LIMS1: variants seen among roughly 807,000 people sequenced by gnomAD.
LIMS1 encodes LIM zinc finger domain containing 1.
In LIMS1, 18 loss-of-function variants were observed where a neutral mutation model predicts 44.1. The ratio of observed to expected loss-of-function variants is 0.41; its 90% CI spans 0.28 to 0.61. The LOEUF is 0.61. Ranked by LOEUF, LIMS1 falls within the 20% of genes least tolerant of loss-of-function variation. The pLI, the probability that LIMS1 is intolerant of heterozygous loss-of-function variation, is 0.32. For missense variants in LIMS1, 201 were observed against 422.0 expected, an observed-to-expected ratio of 0.48 and a Z score of 4.59; for synonymous variants, 93 against 149.1, an observed-to-expected ratio of 0.62 and a Z score of 2.74.
intron 1 of LIMS1, among the ~76,000 whole-genome samples, chr2:108,614,917 C>T (rs1687849428): frequency 1.3e-5 from 2 of 152,088 alleles, no homozygotes; most frequent in South Asian, 4.2e-4. Context: ...GGAGAAGAAC[C>T]GTTTTTGTTC....
At chr2:108,544,049 C>G (rs1315578968) in intron 1 of LIMS1, among the ~76,000 whole-genome samples, 1 of 152,164 alleles carries the variant, frequency 6.6e-6, no homozygotes. Flanking sequence ...CTCCCTCTCT[C>G]TTTTCTCTCT....
chr2:108,654,993 G>A, intron 1 of LIMS1: 1 of 1,575,486 alleles, frequency 6.3e-7, no homozygotes, highest in South Asian at 1.2e-5. Flanking sequence ...TGGCTGGGAA[G>A]CAGGGAGGCC....
At chr2:108,547,126 G>A (rs1280311482) in intron 1 of LIMS1, among the ~76,000 whole-genome samples, 1 of 152,204 alleles carries the variant, frequency 6.6e-6, no homozygotes, top group East Asian at 1.9e-4. Flanking sequence ...GGTGCAGTTA[G>A]ACTTTGACTT....
At chr2:108,651,065 G>A (rs1406258959) in intron 1 of LIMS1, among the ~76,000 whole-genome samples, 1 of 151,956 alleles carries the variant, frequency 6.6e-6, no homozygotes, top group Non-Finnish European at 1.5e-5. Context: ...TGCCAAAATG[G>A]GCTGCTAAAG....
chr2:108,662,554 T>C (rs967524541), intron 2 of LIMS1: 1 of 1,235,044 alleles, frequency 8.1e-7, no homozygotes, highest in East Asian at 3.4e-5. Flanking sequence ...GCTAAATTGT[T>C]TATCATTAAA....
intron 1 of LIMS1, among the ~76,000 whole-genome samples, chr2:108,594,016 T>G (rs918300152): frequency 2.0e-5 from 3 of 152,172 alleles, no homozygotes. Flanking sequence ...AAAGCTCCCT[T>G]TAAATTCAGA....
chr2:108,561,621 A>AT (rs1283680472), intron 1 of LIMS1, among the ~76,000 whole-genome samples: 1 of 151,890 alleles, frequency 6.6e-6, no homozygotes, highest in Admixed American at 6.6e-5. Flanking sequence ...TGTTGGTGCC[A>AT]TTTTTCCAAC....
At chr2:108,676,445 A>G (rs565856455) in intron 6 of LIMS1, among the ~76,000 whole-genome samples, 161 bp from the exon 7 acceptor site, 48 of 152,376 alleles carry the variant, frequency 3.2e-4, no homozygotes, top group Middle Eastern at 3.4e-3. Context: ...CACCTGAATT[A>G]CAACTGCAGA....
intron 1 of LIMS1, among the ~76,000 whole-genome samples, chr2:108,652,411 AT>A (rs1333798963): frequency 1.3e-5 from 2 of 152,054 alleles, no homozygotes; most frequent in African/African-American, 4.8e-5. Flanking sequence ...ATCTCAGGGC[AT>A]TGTGCTGAAT....
At chr2:108,594,576 G>A (rs1686569905) in intron 1 of LIMS1, among the ~76,000 whole-genome samples, 1 of 152,036 alleles carries the variant, frequency 6.6e-6, no homozygotes, top group East Asian at 1.9e-4. Flanking sequence ...TCAATAAGCA[G>A]GGCTTATTAT....
chr2:108,555,848 GCTC>G (rs1363901591), intron 1 of LIMS1, among the ~76,000 whole-genome samples: 1 of 152,198 alleles, frequency 6.6e-6, no homozygotes, highest in Non-Finnish European at 1.5e-5. Context: ...TCCATGCTTT[GCTC>G]CTCATTTGGT....
chr2:108,676,018 G>A lies in LIMS1; in HGVS notation c.671G>A (p.Trp224Ter). ...GTGGTGAACGCTATGGGCAAGCAGT[G>A]GCATGTGGAGGTGAGTTCTAAATGG... Residue 224 changes from tryptophan (W) to a stop codon, truncating the protein, a stop_gained, in exon 6 of 10, where the codon TGG becomes TAG. Coordinates refer to ENST00000544547, the Ensembl canonical transcript of LIMS1. LOFTEE classifies it high-confidence loss of function. 1 of 1,613,106 alleles carries A rather than the reference G, an allele frequency of 6.2e-7. No individual in the cohort carries two copies. The highest frequency in any genetic ancestry group is 1.1e-5 in the South Asian group (1 of 90,984).
intron 1 of LIMS1, among the ~76,000 whole-genome samples, chr2:108,650,376 G>A (rs1056721016): frequency 4.6e-5 from 7 of 151,618 alleles, no homozygotes; most frequent in African/African-American, 1.7e-4. Flanking sequence ...TAGTCTTTTT[G>A]GGAGAATTGT....
At chr2:108,614,947 C>T (rs967623486) in intron 1 of LIMS1, among the ~76,000 whole-genome samples, 2 of 152,072 alleles carry the variant, frequency 1.3e-5, no homozygotes, top group African/African-American at 2.4e-5. Context: ...TTCAGAATAT[C>T]GGAACTGTTA....
chr2:108,630,809 G>A (rs1688874501), intron 1 of LIMS1, among the ~76,000 whole-genome samples: 3 of 152,114 alleles, frequency 2.0e-5, no homozygotes, highest in Admixed American at 2.0e-4. Flanking sequence ...AGGTTGAGTG[G>A]GACGAGGAGG....
intron 1 of LIMS1, among the ~76,000 whole-genome samples, chr2:108,640,974 G>A (rs577483213): frequency 1.1e-4 from 16 of 152,090 alleles, no homozygotes; most frequent in South Asian, 8.3e-4. Context: ...CCAACTCTGC[G>A]TTCTAATTCT....
chr2:108,617,163 CTG>C lies in LIMS1; in HGVS notation c.33-42440_33-42439del, dbSNP rs1158797586. On this transcript the variant is annotated intron_variant, in intron 1 of 9. Coordinates refer to ENST00000544547, the Ensembl canonical transcript of LIMS1. Reference sequence around the variant, plus strand: ...AAACCAGCTTGCAGCTTTCTTAACTCTGTATAGGAGAAATAATTGATGATTCA... The same window carrying C: ...AAACCAGCTTGCAGCTTTCTTAACTCTATAGGAGAAATAATTGATGATTCA... 9.9e-5 allele frequency among the ~76,000 whole-genome samples: 15 copies of C among 152,272 alleles called. No individual in the cohort carries two copies. The South Asian group carries it at 3.1e-3, about 32-fold the overall frequency.
chr2:108,634,920 T>C (rs575038295), intron 1 of LIMS1, among the ~76,000 whole-genome samples: 1 of 152,330 alleles, frequency 6.6e-6, no homozygotes, highest in East Asian at 1.9e-4. Context: ...ATTCTCCTCT[T>C]GTTCTTGAGG....
intron 2 of LIMS1, among the ~76,000 whole-genome samples, chr2:108,668,680 C>T (rs1691957740): frequency 6.6e-6 from 1 of 152,164 alleles, no homozygotes; most frequent in South Asian, 2.1e-4. Flanking sequence ...CATGAGAGTG[C>T]AGATATCTCT....
Sources: gnomAD v4.1 joint callset for allele counts (sites outside exome capture counted in the v4.1 genomes callset) on GRCh38, gnomAD v4.1.1 for gene constraint, MANE v1.5 for transcripts, NCBI Gene and HGNC (gene_info 2026-07-23, HGNC 2026-07-21) for gene names.